Variants in ADPGK observed in about 807,000 individuals in gnomAD.
The protein encoded by ADPGK is ADP-dependent glucokinase.
Under a neutral mutation model 42.4 loss-of-function variants are expected in ADPGK, and 26 were observed. That is an observed-to-expected ratio of 0.61 (90% confidence interval 0.45 to 0.85). ADPGK has a LOEUF of 0.85. Among genes scored for constraint, ADPGK ranks in the 40% least tolerant of loss-of-function variants. The pLI is 0.00. For missense variants in ADPGK, 571 were observed against 627.0 expected (o/e 0.91, Z 0.95); for synonymous variants, 267 against 252.6 (o/e 1.06, Z -0.54).
At chr15:72,763,558 TTTC>T (rs2066222128) in intron 3 of ADPGK, among the ~76,000 whole-genome samples, 1 of 152,150 alleles carries the variant, frequency 6.6e-6, no homozygotes, top group Non-Finnish European at 1.5e-5. Context: ...TAAGATTATT[TTTC>T]TTATTATTTA....
At chr15:72,756,212 C>A in intron 5 of ADPGK, 39 bp downstream of exon 5, 1 of 1,610,416 alleles carries the variant, frequency 6.2e-7, no homozygotes, top group African/African-American at 1.3e-5. Context: ...AAGAAAACCA[C>A]CAGCTGAGAT....
At chr15:72,779,342 G>C (rs2066428905) in intron 1 of ADPGK, among the ~76,000 whole-genome samples, 1 of 144,996 alleles carries the variant, frequency 6.9e-6, no homozygotes, top group African/African-American at 2.6e-5. Flanking sequence ...TCTGCCTCCT[G>C]GGTTGAAGCG....
chr15:72,756,188 G>T (rs2304598), intron 5 of ADPGK, 63 bp downstream of exon 5: 15 of 1,593,942 alleles, frequency 9.4e-6, no homozygotes, highest in Non-Finnish European at 1.3e-5. Flanking sequence ...GATGCCAAGA[G>T]AGGCTGGAAC....
intron 3 of ADPGK, 44 bp from the exon 4 acceptor site, chr15:72,760,571 T>TC (rs756479090): frequency 6.4e-7 from 1 of 1,571,194 alleles, no homozygotes; most frequent in South Asian, 1.2e-5. Context: ...CCCGTTCCTT[T>TC]CCCCACAGAA....
intron 3 of ADPGK, among the ~76,000 whole-genome samples, chr15:72,770,104 G>A (rs1202558067): frequency 2.0e-5 from 3 of 152,236 alleles, no homozygotes; most frequent in African/African-American, 4.8e-5. Flanking sequence ...GTCTCTTTGA[G>A]AGTGCATACA....
In ADPGK at chr15:72,752,794, G is replaced by A. The variant is rs779754216; in HGVS notation, c.1041C>T (p.Asn347=). The A allele has an allele frequency of 5.0e-6, 8 of 1,614,216 alleles. No individual in the cohort carries two copies. The highest frequency in any genetic ancestry group is 4.4e-5 in the South Asian group (4 of 91,082). ...TGACCATGCCCACATCAGGAACACC[G>A]TTCCAGGAAGAGAGAGAAGAGTGAG... ...SGPHSSLSSW[N]GVPDVGMVSD... Residue 347 remains asparagine, a synonymous_variant, in exon 7 of 7, where the codon AAC becomes AAT. Coordinates refer to ENST00000456471, the MANE Select transcript of ADPGK (RefSeq NM_001365225.1).
chr15:72,781,920 G>C (rs752212549), intron 1 of ADPGK, among the ~76,000 whole-genome samples: 2 of 152,194 alleles, frequency 1.3e-5, no homozygotes, highest in Admixed American at 1.3e-4. Context: ...AAGAATAAGA[G>C]GCACCAGGAG....
chr15:72,758,133 C>G (rs2066140035), intron 4 of ADPGK: 1 of 1,613,556 alleles, frequency 6.2e-7, no homozygotes, highest in Non-Finnish European at 8.5e-7. Flanking sequence ...GAAAGGACCA[C>G]CAGGTCTGGC....
chr15:72,778,082 CTACAAAAAA>C (rs1280908657), intron 1 of ADPGK, among the ~76,000 whole-genome samples: 1 of 151,988 alleles, frequency 6.6e-6, no homozygotes, highest in East Asian at 1.9e-4. Context: ...GACCCCGTCT[CTACAAAAAA>C]TACAAAAATT....
intron 2 of ADPGK, among the ~76,000 whole-genome samples, chr15:72,773,935 C>G (rs988347484): frequency 6.6e-6 from 1 of 152,208 alleles, no homozygotes; most frequent in East Asian, 1.9e-4. Flanking sequence ...GTGGCACGGT[C>G]ATGGTTCACT....
chr15:72,769,466 C>T (rs1566957616), intron 3 of ADPGK, among the ~76,000 whole-genome samples: 1 of 152,210 alleles, frequency 6.6e-6, no homozygotes, highest in Non-Finnish European at 1.5e-5. Flanking sequence ...CTGCCTCAGC[C>T]TCCTGAGTAG....
intron 3 of ADPGK, among the ~76,000 whole-genome samples, chr15:72,766,384 TTG>T (rs907742863): frequency 2.6e-5 from 4 of 152,158 alleles, no homozygotes; most frequent in African/African-American, 9.7e-5. Context: ...GCAAACTTCA[TTG>T]TTGTTTTAAG....
chr15:72,774,872 C>A lies in ADPGK; in HGVS notation c.459G>T (p.Gln153His). 1 of 1,610,654 alleles carries A rather than the reference C, an allele frequency of 6.2e-7. No individual in the cohort carries two copies. The highest frequency in any genetic ancestry group is 8.5e-7 in the Non-Finnish European group (1 of 1,177,054). Residue 153 changes from glutamine (Q) to histidine (H), a missense_variant and splice_region_variant, in exon 2 of 7, where the codon CAG becomes CAT. Coordinates refer to ENST00000456471, the MANE Select transcript of ADPGK (RefSeq NM_001365225.1). The part of the protein sequence containing the change: ...AQVASEFPGA[Q>H]HYVGGNAALI... Reference sequence around the variant, plus strand: ...TTTACTATTGCTGAACCAAACAGACCTGGGCTCCTGGGAACTCTGATGCAA... The same window carrying A: ...TTTACTATTGCTGAACCAAACAGACATGGGCTCCTGGGAACTCTGATGCAA...
intron 4 of ADPGK, 80 bp from the exon 5 acceptor site, chr15:72,756,527 CT>C: frequency 6.8e-7 from 1 of 1,474,324 alleles, no homozygotes; most frequent in South Asian, 1.3e-5. Flanking sequence ...TTTCAGGCAC[CT>C]CACAGGAGCC....
intron 6 of ADPGK, among the ~76,000 whole-genome samples, chr15:72,753,722 T>C (rs2066076598): frequency 6.6e-6 from 1 of 152,256 alleles, no homozygotes; most frequent in African/African-American, 2.4e-5. Flanking sequence ...TTTCATCCAA[T>C]TCTTACTGTA....
chr15:72,760,389 A>T lies in ADPGK; in HGVS notation c.643+18T>A. 6.3e-7 allele frequency: 1 copy of T among 1,581,330 alleles called. No individual in the cohort carries two copies. The highest frequency in any genetic ancestry group is 1.1e-5 in the South Asian group (1 of 88,558). On this transcript the variant is annotated intron_variant, in intron 4 of 6. Coordinates refer to ENST00000456471, the MANE Select transcript of ADPGK (RefSeq NM_001365225.1). ...CCCCTTGACTGGTCTTGCCACCATT[A>T]CTTACTCATTTCCTTACCTGCTTGA... is the stretch of plus-strand genomic sequence containing the variant.
chr15:72,772,355 C>T (rs1399481521), intron 2 of ADPGK, among the ~76,000 whole-genome samples: 1 of 152,240 alleles, frequency 6.6e-6, no homozygotes, highest in African/African-American at 2.4e-5. Context: ...AGTCAGCCTT[C>T]CCCTGTCTCT....
intron 5 of ADPGK, 62 bp from the exon 6 acceptor site, chr15:72,755,716 G>A: frequency 7.9e-7 from 1 of 1,268,960 alleles, no homozygotes; most frequent in Non-Finnish European, 1.1e-6. Context: ...AAAGAGGGAA[G>A]AAAAGATCAG....
intron 1 of ADPGK, among the ~76,000 whole-genome samples, chr15:72,781,613 G>T (rs74446263): frequency 6.6e-6 from 1 of 152,174 alleles, no homozygotes. Flanking sequence ...ATCAAGGTTT[G>T]TTCTATGTCC....
Sources: allele counts gnomAD v4.1 joint callset (sites outside exome capture counted in the v4.1 genomes callset), GRCh38; gene constraint gnomAD v4.1.1; transcripts MANE v1.5; gene names NCBI Gene and HGNC (gene_info 2026-07-23, HGNC 2026-07-21).